The following GPC3 variants were observed in gnomAD, a reference collection of about 807,000 sequenced individuals.
GPC3 encodes glypican 3.
GPC3 carries 3 observed loss-of-function variants against 34.4 expected under a neutral mutation model. The observed-to-expected ratio is 0.09, with a 90% CI of 0.04 to 0.23. The LOEUF (loss-of-function observed/expected upper bound fraction) is 0.23, where lower values mean the gene tolerates loss of function less well. Among genes scored for constraint, GPC3 ranks in the 10% least tolerant of loss-of-function variants. GPC3 has a pLI of 1.00. For missense variants in GPC3, 351 were observed against 445.6 expected, an observed-to-expected ratio of 0.79 and a Z score of 1.91; for synonymous variants, 177 against 174.0, an observed-to-expected ratio of 1.02 and a Z score of -0.13.
intron 7 of GPC3, among the ~76,000 whole-genome samples, chrX:133,576,558 T>G (rs780225833): frequency 9.0e-6 from 1 of 111,443 alleles, no homozygotes; most frequent in East Asian, 2.8e-4. Context: ...GCTCTTAATA[T>G]CAATTGACTT....
At chrX:133,672,470 G>A (rs182323724) in intron 5 of GPC3, among the ~76,000 whole-genome samples, 62 of 111,468 alleles carry the variant, frequency 5.6e-4, no homozygotes, top group African/African-American at 1.9e-3. Context: ...AGAAAAAGGT[G>A]TAATTCAAAG....
chrX:133,750,275 C>T (rs929669018), intron 3 of GPC3, among the ~76,000 whole-genome samples: 2 of 112,369 alleles, frequency 1.8e-5, no homozygotes, highest in Non-Finnish European at 3.8e-5. Context: ...CCAGAAATTG[C>T]TATCCAATTT....
At chrX:133,593,330 C>CAAAA (rs756083308) in intron 7 of GPC3, among the ~76,000 whole-genome samples, 1 of 9,888 alleles carries the variant, frequency 1.0e-4, no homozygotes, top group African/African-American at 3.4e-4. Context: ...GAGACTGTCT[C>CAAAA]AAAAAAAAAA....
chrX:133,544,122 TTGGGAGGCTGACG>T (rs1260294123), intron 7 of GPC3, among the ~76,000 whole-genome samples: 1 of 111,571 alleles, frequency 9.0e-6, no homozygotes, highest in Non-Finnish European at 1.9e-5. Context: ...TTCCAGCTAC[TTGGGAGGCTGACG>T]TGGGATGATT....
In GPC3 at chrX:133,753,971, C is replaced by T. The variant is rs1266410074; in HGVS notation, c.543G>A (p.Gln181=). The T allele has an allele frequency of 8.3e-7, 1 of 1,211,045 alleles. No homozygotes were observed. The highest frequency in any genetic ancestry group is 2.2e-5 in the Admixed American group (1 of 46,028). ...FDSLFPVIYT[Q]LMNPGLPDSA... is the part of the protein sequence containing the mutation. ...AATCAGGCAGGCCTGGGTTCATTAG[C>T]TGGGTATAGATGACTGGAAACAGGC... The change falls in exon 3 of 8, where the codon CAG becomes CAA. Residue 181 remains glutamine (Q), a synonymous_variant. Coordinates refer to ENST00000370818, the MANE Select transcript of GPC3 (RefSeq NM_004484.4).
intron 7 of GPC3, among the ~76,000 whole-genome samples, chrX:133,584,190 C>T (rs779603757): frequency 1.8e-5 from 2 of 111,923 alleles, no homozygotes; most frequent in South Asian, 7.6e-4. Flanking sequence ...AATATGGGAC[C>T]AAAGGAAGCA....
chrX:133,903,010 C>T (rs767513047), intron 2 of GPC3, among the ~76,000 whole-genome samples: 20 of 110,891 alleles, frequency 1.8e-4, no homozygotes, highest in Non-Finnish European at 2.6e-4. Flanking sequence ...TTTGGGAGGC[C>T]GAGGCGGGCA....
At chrX:133,598,200 G>A (rs2069940147) in intron 6 of GPC3, among the ~76,000 whole-genome samples, 1 of 111,344 alleles carries the variant, frequency 9.0e-6, no homozygotes, top group African/African-American at 3.3e-5. Context: ...TCACCCAGGT[G>A]GGGGTGCAGT....
intron 7 of GPC3, among the ~76,000 whole-genome samples, chrX:133,574,832 G>A (rs1327912933): frequency 8.9e-6 from 1 of 112,212 alleles, no homozygotes; most frequent in African/African-American, 3.2e-5. Flanking sequence ...TGAGGCTTAA[G>A]GGTTGGCCAG....
At chrX:133,669,369 C>T (rs1440730172) in intron 5 of GPC3, among the ~76,000 whole-genome samples, 1 of 112,559 alleles carries the variant, frequency 8.9e-6, no homozygotes, top group East Asian at 2.8e-4. Context: ...TGATGTGCCC[C>T]TGGGGAATTT....
chrX:133,930,926 G>A (rs1345473925), intron 2 of GPC3, among the ~76,000 whole-genome samples: 7 of 112,274 alleles, frequency 6.2e-5, no homozygotes, highest in African/African-American at 1.3e-4. Context: ...ATGAGCCACC[G>A]TGCCCGGCCA....
intron 7 of GPC3, among the ~76,000 whole-genome samples, chrX:133,549,070 A>G (rs1030570684): frequency 3.6e-5 from 4 of 111,557 alleles, no homozygotes; most frequent in Non-Finnish European, 7.5e-5. Context: ...CCCTCAATTT[A>G]CTCGGAAGCA....
intron 1 of GPC3, among the ~76,000 whole-genome samples, chrX:133,966,673 A>C (rs780497225): frequency 1.8e-5 from 2 of 112,147 alleles, no homozygotes; most frequent in South Asian, 3.7e-4. Context: ...AAGAAAATCA[A>C]ACACTCACTC....
chrX:133,786,028 T>C (rs984173801), intron 2 of GPC3, among the ~76,000 whole-genome samples: 1 of 111,852 alleles, frequency 8.9e-6, no homozygotes, highest in Non-Finnish European at 1.9e-5. Flanking sequence ...GGACAAAAGA[T>C]CTAGAAAAGA....
At chrX:133,943,266 T>C (rs1317905886) in intron 2 of GPC3, among the ~76,000 whole-genome samples, 2 of 112,341 alleles carry the variant, frequency 1.8e-5, no homozygotes, top group African/African-American at 6.4e-5. Flanking sequence ...GTTACGTAAC[T>C]AGTGAGTAAC....
chrX:133,660,709 T>C (rs145132689), intron 6 of GPC3, among the ~76,000 whole-genome samples: 5,952 of 111,736 alleles, frequency 0.053, 392 homozygotes, highest in African/African-American at 0.18. Context: ...CTTTAGCATG[T>C]TAAGAAAATA....
intron 2 of GPC3, among the ~76,000 whole-genome samples, chrX:133,843,555 G>A: frequency 9.0e-6 from 1 of 111,360 alleles, no homozygotes; most frequent in South Asian, 3.9e-4. Flanking sequence ...AAATTGCCCA[G>A]TCTTAGATAA....
At chrX:133,781,939 G>A (rs1252372707) in intron 2 of GPC3, among the ~76,000 whole-genome samples, 1 of 111,688 alleles carries the variant, frequency 9.0e-6, no homozygotes. Flanking sequence ...GGTTCCTGGG[G>A]CTTTAATCTT....
At chrX:133,688,519 GATCGATAC>G (rs962766886) in intron 5 of GPC3, among the ~76,000 whole-genome samples, 11 of 111,914 alleles carry the variant, frequency 9.8e-5, no homozygotes, top group Non-Finnish European at 1.9e-4. Flanking sequence ...AAAGTTGAGT[GATCGATAC>G]ATCCATAGTA....
Sources: allele counts gnomAD v4.1 joint callset (sites outside exome capture counted in the v4.1 genomes callset), GRCh38; gene constraint gnomAD v4.1.1; transcripts MANE v1.5; gene names NCBI Gene and HGNC (gene_info 2026-07-23, HGNC 2026-07-21).